The following STK35 variants were observed in gnomAD, a reference collection of about 807,000 sequenced individuals.
The protein encoded by STK35 is serine/threonine kinase 35.
STK35 carries 17 observed loss-of-function variants against 37.3 expected under a neutral mutation model. The observed-to-expected ratio is 0.46, with a 90% CI of 0.31 to 0.68. The LOEUF is 0.68. Among genes scored for constraint, STK35 ranks in the 30% least tolerant of loss-of-function variants. STK35 has a pLI of 0.05. For missense variants in STK35, 595 were observed against 746.7 expected, an observed-to-expected ratio of 0.80 and a Z score of 2.37; for synonymous variants, 385 against 319.1, an observed-to-expected ratio of 1.21 and a Z score of -2.20.
In STK35 at chr20:2,102,855, C is replaced by G; in HGVS notation, c.382C>G (p.Pro128Ala). The G allele has an allele frequency of 6.4e-7, 1 of 1,551,800 alleles. No homozygotes were observed. Among genetic ancestry groups the G allele is most frequent in the Non-Finnish European group, 8.6e-7 (1 of 1,157,212 alleles). Residue 128 changes from proline to alanine, a missense_variant, in exon 2 of 4, where the codon CCC becomes GCC. Coordinates refer to ENST00000381482, the MANE Select transcript of STK35 (RefSeq NM_080836.4). ...GGCCCGGGCAGCGCCGTTGCTGCTC[C>G]CCCCGCCGCCCGCAGCCATGGAAAC... ...GGARAAPLLL[P>A]PPPAAMETGK...
At chr20:2,129,742 C>G (rs138533993) in intron 3 of STK35, among the ~76,000 whole-genome samples, 1 of 152,082 alleles carries the variant, frequency 6.6e-6, no homozygotes, top group Non-Finnish European at 1.5e-5. Flanking sequence ...CTGCCCAAGG[C>G]GGTCAGAGAA....
chr20:2,131,571 G>A (rs145370985), intron 3 of STK35, among the ~76,000 whole-genome samples: 25 of 152,282 alleles, frequency 1.6e-4, no homozygotes, highest in Non-Finnish European at 2.9e-4. Context: ...CAGTGAGTGA[G>A]TAATGAGTCA....
In STK35 at chr20:2,125,123, A is replaced by G. The variant is rs188221370; in HGVS notation, c.*37+7708A>G. On this transcript the variant is annotated intron_variant, in intron 3 of 3. Transcript: ENST00000381482. ...TGGCCTCCTTGGTGCCACCTAACCT[A>G]GATAGCATCCCTTTGGGCAAATCAG... Among the ~76,000 whole-genome samples, 26 of 152,282 alleles carry G rather than the reference A, an allele frequency of 1.7e-4. No individual in the cohort carries two copies. The East Asian group carries it at 2.9e-3, about 17-fold the overall frequency.
chr20:2,117,121 A>C lies in STK35; in HGVS notation c.1348A>C (p.Arg450=), dbSNP rs1466966127. 1.3e-5 allele frequency: 21 copies of C among 1,613,680 alleles called. No individual in the cohort carries two copies. Among genetic ancestry groups the C allele is most frequent in the Non-Finnish European group, 1.7e-5 (20 of 1,179,792 alleles). Residue 450 remains arginine (R), a synonymous_variant, in exon 3 of 4, where the codon AGA becomes CGA. Transcript: ENST00000381482. This position sits in a 1 kb window ranked among gnomAD's most constrained non-coding sequence, Gnocchi z 4.4. Reference sequence around the variant, plus strand: ...CATTATCATCTGGGCAATGATAGAAAGAATCACTTTTATTGACTCTGAGAC... The same window carrying C: ...CATTATCATCTGGGCAATGATAGAACGAATCACTTTTATTGACTCTGAGAC... ...LGIIIWAMIE[R]ITFIDSETKK...
intron 2 of STK35, among the ~76,000 whole-genome samples, chr20:2,107,054 C>T (rs1272642916): frequency 2.0e-5 from 3 of 152,228 alleles, no homozygotes; most frequent in Middle Eastern, 3.2e-3. Context: ...AAATACTTCT[C>T]ACATAAAGGT....
At chr20:2,105,472 C>G (rs940022242) in intron 2 of STK35, among the ~76,000 whole-genome samples, 1 of 152,154 alleles carries the variant, frequency 6.6e-6, no homozygotes, top group Admixed American at 6.5e-5. Flanking sequence ...GTCAAAATTC[C>G]AAAGTGACCC....
At position 2,117,234 on chromosome 20, in the gene STK35, G is replaced by A; in HGVS notation, c.1461G>A (p.Glu487=). 1.9e-6 allele frequency: 3 copies of A among 1,614,160 alleles called. No homozygotes were observed. In the South Asian group the frequency reaches 3.3e-5, roughly 18 times the overall value. ...CGCTGCTAGAAAACCCAAAGATGGA[G>A]TTGCACATCCCCCAAAAACGCAGGA... ...GEALLENPKM[E]LHIPQKRRTS... The change falls in exon 3 of 4, where the codon GAG becomes GAA. Residue 487 remains glutamate (E), a synonymous_variant. Transcript: ENST00000381482. This position sits in a 1 kb window ranked among gnomAD's most constrained non-coding sequence, Gnocchi z 4.4.
At chr20:2,114,041 T>C (rs1271323527) in intron 2 of STK35, among the ~76,000 whole-genome samples, 4 of 152,120 alleles carry the variant, frequency 2.6e-5, no homozygotes, top group African/African-American at 9.7e-5. Flanking sequence ...TTTTTCCTGT[T>C]ACTTCACCAA....
At chr20:2,138,196 G>A (rs6035670) in intron 3 of STK35, among the ~76,000 whole-genome samples, 6,884 of 152,184 alleles carry the variant, frequency 0.045, 416 homozygotes, top group African/African-American at 0.13. Flanking sequence ...CCCACTTTGA[G>A]TTTATACTGT....
At chr20:2,119,646 G>A (rs1568576797) in intron 3 of STK35, among the ~76,000 whole-genome samples, 1 of 152,198 alleles carries the variant, frequency 6.6e-6, no homozygotes, top group East Asian at 1.9e-4. Context: ...TCTTATTCAA[G>A]CATCCCCCAC....
Position 2,102,131 on chromosome 20 carries a change from C to G in STK35, c.250C>G (p.Pro84Ala), listed in dbSNP as rs1417959824. The G allele has an allele frequency of 5.7e-6, 8 of 1,402,378 alleles. No homozygotes were observed. The East Asian group carries it at 2.4e-4, about 41-fold the overall frequency. The allele number at this position is 1,402,378 out of a possible 1,614,324, so 86.9% of individuals were successfully genotyped here. ...AGCGGACCATCCCCAGGCAGGGGCT[C>G]CAGGGGGGAAACGGGCCGCCCGGAA... ...PGADHPQAGA[P>A]GGKRAARKWR... The change falls in exon 1 of 4, where the codon CCA becomes GCA. Residue 84 changes from proline (P) to alanine (A), a missense_variant. Around this residue, in one of 3 missense-constraint regions of STK35, gnomAD observed 389 missense variants for 320.0 expected, o/e 1.22. Transcript: ENST00000381482.
chr20:2,102,206 G>A, intron 1 of STK35, 31 bp downstream of exon 1: 1 of 1,366,496 alleles, frequency 7.3e-7, no homozygotes, highest in Non-Finnish European at 9.4e-7. Context: ...CTGAAGGCCA[G>A]CGCCGAGGCT....
intron 3 of STK35, among the ~76,000 whole-genome samples, chr20:2,132,065 G>A (rs1434805114): frequency 6.6e-6 from 1 of 151,850 alleles, no homozygotes; most frequent in Non-Finnish European, 1.5e-5. Flanking sequence ...TGCATCCTAA[G>A]TATTGTTGTC....
Position 2,117,463 on chromosome 20 carries a change from TCTCA to T in STK35, c.*37+52_*37+55del, listed in dbSNP as rs1444371645. The T allele has an allele frequency of 1.8e-6, 2 of 1,138,404 alleles. No individual in the cohort carries two copies. Among genetic ancestry groups the T allele is most frequent in the Non-Finnish European group, 2.5e-6 (2 of 805,452 alleles). 70.5% of individuals were successfully genotyped at this position (1,138,404 alleles called of 1,614,324 possible). A position where few individuals can be genotyped will look rare whatever the true frequency, so the allele number is the denominator to read the frequency against. ...TTTTGTTTTTTGTTTTGAGACAGGG[TCTCA>T]CTCTGTTGGTCAGGCTGGGGTGCAG... is the stretch of plus-strand genomic sequence containing the variant. On this transcript the variant is annotated intron_variant, in intron 3 of 3. Transcript: ENST00000381482. This position sits in a 1 kb window ranked among gnomAD's most constrained non-coding sequence, Gnocchi z 4.4.
At chr20:2,138,399 A>G (rs927772666) in intron 3 of STK35, among the ~76,000 whole-genome samples, 3 of 152,206 alleles carry the variant, frequency 2.0e-5, no homozygotes, top group South Asian at 4.1e-4. Context: ...GTCAGGTGCC[A>G]TGACAGGCAA....
chr20:2,105,156 C>CAA (rs36092926), intron 2 of STK35, among the ~76,000 whole-genome samples: 24 of 126,356 alleles, frequency 1.9e-4, no homozygotes, highest in African/African-American at 6.7e-4. Flanking sequence ...GACCCTGTCT[C>CAA]AAAAAAAAAA....
chr20:2,116,991 T>C lies in STK35; in HGVS notation c.1218T>C (p.Asn406=). 1.2e-6 allele frequency: 2 copies of C among 1,614,188 alleles called. No individual in the cohort carries two copies. Among genetic ancestry groups the C allele is most frequent in the Non-Finnish European group, 1.7e-6 (2 of 1,180,048 alleles). Residue 406 remains asparagine, a synonymous_variant, in exon 3 of 4, where the codon AAT becomes AAC. Coordinates refer to ENST00000381482, the MANE Select transcript of STK35 (RefSeq NM_080836.4). The part of the protein sequence containing the change: ...KEGNQDNKNV[N]VNKYWLSSAC... ...GCAATCAAGACAACAAAAATGTGAA[T>C]GTGAATAAGTACTGGCTGTCCTCAG... is the stretch of plus-strand genomic sequence containing the variant.
At chr20:2,105,707 T>TTA (rs10627362) in intron 2 of STK35, among the ~76,000 whole-genome samples, 69,423 of 151,908 alleles carry the variant, frequency 0.46, 16,713 homozygotes, top group East Asian at 0.94. Flanking sequence ...ATTCACTGCC[T>TTA]TATATAAGTT....
At chr20:2,139,295 C>A (rs1986135721) in intron 3 of STK35, among the ~76,000 whole-genome samples, 2 of 152,202 alleles carry the variant, frequency 1.3e-5, no homozygotes, top group South Asian at 4.1e-4. Flanking sequence ...CAGACACCTG[C>A]CTGACTGGCA....
Sources: allele counts gnomAD v4.1 joint callset (sites outside exome capture counted in the v4.1 genomes callset), GRCh38; gene constraint gnomAD v4.1.1; regional missense constraint gnomAD v4.1.1; non-coding constraint Gnocchi (gnomAD v3.1); transcripts MANE v1.5; gene names NCBI Gene and HGNC (gene_info 2026-07-23, HGNC 2026-07-21).